Variants in ARL3 observed in about 807,000 individuals in gnomAD.
ARL3 encodes the protein ADP-ribosylation factor-like protein 3.
A neutral mutation model predicts 26.0 loss-of-function variants in ARL3; 9 were observed. That is an observed-to-expected ratio of 0.35 (90% CI 0.21 to 0.60). The LOEUF (loss-of-function observed/expected upper bound fraction) is 0.60. ARL3 is among the 20% of genes least tolerant of loss of function. The pLI is 0.78. For missense variants in ARL3, 158 were observed against 215.7 expected (o/e 0.73, Z 1.67); for synonymous variants, 71 against 78.4 (o/e 0.91, Z 0.50).
intron 3 of ARL3, among the ~76,000 whole-genome samples, chr10:102,694,192 T>G (rs1256634112): frequency 1.3e-5 from 2 of 151,894 alleles, no homozygotes; most frequent in Non-Finnish European, 2.9e-5. Context: ...GGTTTCACCG[T>G]GTTAGCCAGG....
intron 5 of ARL3, among the ~76,000 whole-genome samples, chr10:102,677,175 G>GGGT (rs2064134946): frequency 6.6e-6 from 1 of 152,166 alleles, no homozygotes; most frequent in South Asian, 2.1e-4. Flanking sequence ...GATGCCCAGC[G>GGGT]CCTGAACTTG....
At chr10:102,703,391 A>ATTAC (rs1437965523) in intron 2 of ARL3, among the ~76,000 whole-genome samples, 3 of 128,720 alleles carry the variant, frequency 2.3e-5, no homozygotes, top group Non-Finnish European at 4.9e-5. Flanking sequence ...AAGTGCTGGG[A>ATTAC]TTACAGGCAT....
intron 5 of ARL3, among the ~76,000 whole-genome samples, chr10:102,680,520 G>A (rs897836419): frequency 2.6e-5 from 4 of 152,104 alleles, no homozygotes; most frequent in Non-Finnish European, 5.9e-5. Context: ...TATAACCACT[G>A]GGAGAAACAG....
chr10:102,690,883 CCT>C (rs1466948640), intron 3 of ARL3, among the ~76,000 whole-genome samples: 3 of 150,746 alleles, frequency 2.0e-5, no homozygotes, highest in African/African-American at 7.3e-5. Context: ...GTCTTTCAAA[CCT>C]CTTTTTTTTT....
chr10:102,679,991 G>A (rs540916094), intron 5 of ARL3, among the ~76,000 whole-genome samples: 36 of 152,066 alleles, frequency 2.4e-4, no homozygotes, highest in Non-Finnish European at 3.5e-4. Context: ...TTGCTCTGTC[G>A]CCCAGGCTGG....
chr10:102,708,103 G>A (rs1246206107), intron 1 of ARL3, among the ~76,000 whole-genome samples: 1 of 151,906 alleles, frequency 6.6e-6, no homozygotes, highest in Non-Finnish European at 1.5e-5. Flanking sequence ...TTGTAGAGAT[G>A]GGGTTTTGCC....
intron 2 of ARL3, among the ~76,000 whole-genome samples, chr10:102,700,387 C>T (rs183504173): frequency 6.1e-4 from 62 of 100,976 alleles, no homozygotes; most frequent in African/African-American, 1.9e-3. Context: ...CTGGCCTGGG[C>T]GACAGAGTGA....
At chr10:102,677,207 C>T (rs946956185) in intron 5 of ARL3, among the ~76,000 whole-genome samples, 1 of 152,144 alleles carries the variant, frequency 6.6e-6, no homozygotes, top group African/African-American at 2.4e-5. Flanking sequence ...CAGGAACTCC[C>T]TCTGAAAAAA....
rs532888629 is a variant in ARL3 at position 102,714,079 on chromosome 10, C to G, written c.3+194G>C. Among the ~76,000 whole-genome samples, 24 of 152,380 alleles carry G rather than the reference C, an allele frequency of 1.6e-4. No individual in the cohort carries two copies. The South Asian group carries it at 4.3e-3, about 28-fold the overall frequency. Reference sequence around the variant, plus strand: ...CCCGCTGCAAGCCCCGCCTTCCTCTCCAGGCCCAGGCCTCCCTCCAGGGCC... The same window carrying G: ...CCCGCTGCAAGCCCCGCCTTCCTCTGCAGGCCCAGGCCTCCCTCCAGGGCC... On this transcript the variant is annotated intron_variant, in intron 1 of 5. Coordinates refer to ENST00000260746, the MANE Select transcript of ARL3 (RefSeq NM_004311.4).
intron 1 of ARL3, among the ~76,000 whole-genome samples, chr10:102,710,535 A>G (rs946423293): frequency 6.6e-6 from 1 of 152,228 alleles, no homozygotes. Flanking sequence ...ATACAATGAC[A>G]TTAATTTTTA....
At chr10:102,694,503 AT>A (rs775197674) in intron 3 of ARL3, among the ~76,000 whole-genome samples, 2 of 151,310 alleles carry the variant, frequency 1.3e-5, no homozygotes, top group African/African-American at 2.4e-5. Flanking sequence ...CTATTTTAAC[AT>A]TTTAAGTTAA....
At chr10:102,703,379 C>T (rs530772300) in intron 2 of ARL3, among the ~76,000 whole-genome samples, 9 of 147,936 alleles carry the variant, frequency 6.1e-5, no homozygotes, top group African/African-American at 2.0e-4. Context: ...CTCGGCCTCC[C>T]AAAGTGCTGG....
At chr10:102,705,926 AC>A (rs2064308673) in intron 1 of ARL3, among the ~76,000 whole-genome samples, 1 of 152,214 alleles carries the variant, frequency 6.6e-6, no homozygotes, top group African/African-American at 2.4e-5. Flanking sequence ...TCAAACAGAC[AC>A]TAGATAACAC....
At chr10:102,677,728 T>C (rs1267270403) in intron 5 of ARL3, among the ~76,000 whole-genome samples, 1 of 151,934 alleles carries the variant, frequency 6.6e-6, no homozygotes, top group Non-Finnish European at 1.5e-5. Context: ...ACCTGGACAC[T>C]CTCCCCTTCC....
rs1164760163 is a variant in ARL3 at position 102,676,538 on chromosome 10, CT to C, written c.*355del. 0.012 allele frequency: 1,845 copies of C among 150,192 alleles called. No individual in the cohort carries two copies. Among genetic ancestry groups the C allele is most frequent in the South Asian group, 0.044 (287 of 6,500 alleles). The allele number at this position is 150,192 out of a possible 1,614,324, so 9.3% of individuals were successfully genotyped here. On this transcript the variant is annotated 3_prime_UTR_variant, in exon 6 of 6. Coordinates refer to ENST00000260746, the MANE Select transcript of ARL3 (RefSeq NM_004311.4). Reference sequence around the variant, plus strand: ...GCTGCTTCTTCCTCTTTTTCTTTTTCTTTTTTTTTTTTTGAGAGGAAAAAAA... The same window carrying C: ...GCTGCTTCTTCCTCTTTTTCTTTTTCTTTTTTTTTTTTGAGAGGAAAAAAA...
intron 2 of ARL3, among the ~76,000 whole-genome samples, chr10:102,704,655 T>G (rs1387454575): frequency 7.2e-5 from 11 of 151,936 alleles, no homozygotes; most frequent in African/African-American, 9.7e-5. Flanking sequence ...ATAAATAATT[T>G]AAAGAAATAA....
At chr10:102,689,855 T>A in intron 4 of ARL3, 38 bp downstream of exon 4, 1 of 1,323,866 alleles carries the variant, frequency 7.6e-7, no homozygotes, top group Non-Finnish European at 1.1e-6. Context: ...CATACATATA[T>A]ATATATAAGA....
intron 5 of ARL3, 30 bp from the exon 6 acceptor site, chr10:102,676,971 TGTTA>T: frequency 6.2e-7 from 1 of 1,612,146 alleles, no homozygotes; most frequent in South Asian, 1.1e-5. Context: ...AGAAAGGCAG[TGTTA>T]GTTATAAGAA....
At chr10:102,705,673 T>C (rs934593246) in intron 1 of ARL3, among the ~76,000 whole-genome samples, 184 bp from the exon 2 acceptor site, 1 of 152,192 alleles carries the variant, frequency 6.6e-6, no homozygotes, top group Non-Finnish European at 1.5e-5. Flanking sequence ...AGTGCTACAG[T>C]AAATTCAGCA....
Sources: gnomAD v4.1 joint callset for allele counts (sites outside exome capture counted in the v4.1 genomes callset) on GRCh38, gnomAD v4.1.1 for gene constraint, MANE v1.5 for transcripts, NCBI Gene and HGNC (gene_info 2026-07-23, HGNC 2026-07-21) for gene names.